HOMER2: variants seen among roughly 807,000 people sequenced by gnomAD.
HOMER2 encodes homer protein homolog 2.
In HOMER2, 27 loss-of-function variants were observed where a neutral mutation model predicts 47.0. That is an observed-to-expected ratio of 0.57 (90% CI 0.42 to 0.79). HOMER2 has a LOEUF of 0.79. HOMER2 is among the 30% of genes least tolerant of loss of function. The probability of loss-of-function intolerance (pLI) is 0.00; values close to 1 mark genes in which losing one functional copy is unlikely to be tolerated. For synonymous variants in HOMER2, 161 were observed against 163.8 expected, an observed-to-expected ratio of 0.98 and a Z score of 0.13; for missense variants, 443 against 435.0, an observed-to-expected ratio of 1.02 and a Z score of -0.16.
At chr15:82,985,848 TCTTCACCG>T (rs2030577600) in exon 1 of HOMER2, 1 of 153,344 alleles carries the variant, frequency 6.5e-6, no homozygotes, top group Admixed American at 6.5e-5. Flanking sequence ...TCGTGTCTAC[TCTTCACCG>T]CCTGCTCTCA....
chr15:82,938,814 C>G (rs1008766535), intron 1 of HOMER2, among the ~76,000 whole-genome samples: 1 of 152,190 alleles, frequency 6.6e-6, no homozygotes, highest in Non-Finnish European at 1.5e-5. Flanking sequence ...CTCAGTCTCC[C>G]GCCTCCTCTA....
chr15:82,856,032 T>C (rs1180117280), intron 5 of HOMER2, among the ~76,000 whole-genome samples: 2 of 152,180 alleles, frequency 1.3e-5, no homozygotes, highest in African/African-American at 2.4e-5. Flanking sequence ...AATACAATGG[T>C]GTGTCTGAAT....
At chr15:82,935,219 G>A (rs2054116634) in intron 1 of HOMER2, among the ~76,000 whole-genome samples, 1 of 152,050 alleles carries the variant, frequency 6.6e-6, no homozygotes, top group African/African-American at 2.4e-5. Flanking sequence ...TCAAAATGTG[G>A]TCCACATAAC....
chr15:82,841,481 C>G (rs955249357), exon 2 of HOMER2: 20 of 152,064 alleles, frequency 1.3e-4, no homozygotes, highest in Non-Finnish European at 2.6e-4. Context: ...TTATTTTACA[C>G]TAAGAGTCAA....
At chr15:82,900,433 C>A (rs182387636) in intron 1 of HOMER2, among the ~76,000 whole-genome samples, 160 of 152,166 alleles carry the variant, frequency 1.1e-3, no homozygotes, top group African/African-American at 3.5e-3. Flanking sequence ...ATATATAAAT[C>A]TAACATAATA....
chr15:82,947,938 T>A (rs2054418219), intron 1 of HOMER2, among the ~76,000 whole-genome samples: 1 of 152,200 alleles, frequency 6.6e-6, no homozygotes, highest in African/African-American at 2.4e-5. Context: ...AACACCTGCA[T>A]GCTTACTGGC....
At chr15:82,878,755 G>A (rs1442362199) in intron 2 of HOMER2, among the ~76,000 whole-genome samples, 1 of 152,146 alleles carries the variant, frequency 6.6e-6, no homozygotes, top group Admixed American at 6.5e-5. Context: ...AGCCTCCCAA[G>A]TAGCTGGGAT....
intron 1 of HOMER2, among the ~76,000 whole-genome samples, chr15:82,897,065 C>CTTTTTTTTTTTTT (rs68038013): frequency 9.8e-6 from 1 of 101,824 alleles, no homozygotes; most frequent in Non-Finnish European, 1.8e-5. Context: ...GATGTCATTT[C>CTTTTTTTTTTTTT]TTTTTTTTTT....
intron 1 of HOMER2, among the ~76,000 whole-genome samples, chr15:82,920,864 T>C (rs967931978): frequency 2.6e-5 from 4 of 151,522 alleles, no homozygotes; most frequent in Non-Finnish European, 5.9e-5. Flanking sequence ...TTTTTTTTTT[T>C]AAGACACAAA....
intron 1 of HOMER2, among the ~76,000 whole-genome samples, chr15:82,981,516 A>C (rs1270974987): frequency 6.6e-6 from 1 of 152,244 alleles, no homozygotes. Context: ...CTGGGTATGC[A>C]CCCAAAAGAA....
intron 1 of HOMER2, among the ~76,000 whole-genome samples, chr15:82,977,720 A>C (rs1421306767): frequency 1.3e-5 from 2 of 152,204 alleles, no homozygotes; most frequent in African/African-American, 4.8e-5. Flanking sequence ...AGATTCAATA[A>C]GGTAATGTGA....
At chr15:82,935,386 C>G (rs2054119617) in intron 1 of HOMER2, among the ~76,000 whole-genome samples, 2 of 152,150 alleles carry the variant, frequency 1.3e-5, no homozygotes. Flanking sequence ...CCTCTATCTT[C>G]TCTGCTGGCT....
In HOMER2 at chr15:82,879,329, C is replaced by A. The variant is rs531098292; in HGVS notation, c.163-3925G>T. Reference sequence around the variant, plus strand: ...TGGACAACATGGCAAAACCCCATCTCGACTAAAAATACAAAAATTAGCAGG... The same window carrying A: ...TGGACAACATGGCAAAACCCCATCTAGACTAAAAATACAAAAATTAGCAGG... On this transcript the variant is annotated intron_variant, in intron 2 of 8. Transcript: ENST00000450735. Among the ~76,000 whole-genome samples the A allele has an allele frequency of 2.0e-5, 3 of 152,250 alleles. No individual in the cohort carries two copies. The South Asian group carries it at 6.2e-4, about 32-fold the overall frequency.
At chr15:82,870,344 G>T (rs56297733) in intron 3 of HOMER2, among the ~76,000 whole-genome samples, 2 of 152,186 alleles carry the variant, frequency 1.3e-5, no homozygotes, top group African/African-American at 2.4e-5. Flanking sequence ...TGGGGCCCCA[G>T]AAGTCTGCCA....
At chr15:82,904,215 C>G (rs557313285) in intron 1 of HOMER2, among the ~76,000 whole-genome samples, 1 of 152,218 alleles carries the variant, frequency 6.6e-6, no homozygotes, top group South Asian at 2.1e-4. Flanking sequence ...GGGCAAACCA[C>G]TGCCCCCAAA....
At chr15:82,966,432 C>A (rs1162946942) in intron 1 of HOMER2, among the ~76,000 whole-genome samples, 1 of 152,152 alleles carries the variant, frequency 6.6e-6, no homozygotes, top group East Asian at 1.9e-4. Context: ...TTCACAATTT[C>A]TTTAAGACAG....
chr15:82,936,123 C>G (rs1393351831), intron 1 of HOMER2, among the ~76,000 whole-genome samples: 1 of 152,222 alleles, frequency 6.6e-6, no homozygotes, highest in Non-Finnish European at 1.5e-5. Flanking sequence ...GTCTCTCAAA[C>G]ATTCCAGACA....
rs185671075 is a variant in HOMER2 at position 82,930,991 on chromosome 15, C to T, written c.5+21540G>A. Among the ~76,000 whole-genome samples, 21 of 152,214 alleles carry T rather than the reference C, an allele frequency of 1.4e-4. 1 individual carries two copies. In the East Asian group the frequency reaches 3.7e-3, roughly 27 times the overall value. On this transcript the variant is annotated intron_variant, in intron 1 of 8. Coordinates refer to ENST00000450735, the MANE Select transcript of HOMER2 (RefSeq NM_004839.4). ...GCAGTGTGCCCTGTGCACCTCCTGC[C>T]CTGTGCACACCCCGCCTATGAGAGG...
intron 6 of HOMER2, 28 bp downstream of exon 6, chr15:82,854,615 TC>T: frequency 1.9e-6 from 3 of 1,596,102 alleles, no homozygotes; most frequent in Non-Finnish European, 1.7e-6. Context: ...CCAGCTGGCC[TC>T]GGGGCTCACT....
Sources: gnomAD v4.1 joint callset for allele counts (sites outside exome capture counted in the v4.1 genomes callset) on GRCh38, gnomAD v4.1.1 for gene constraint, MANE v1.5 for transcripts, NCBI Gene and HGNC (gene_info 2026-07-23, HGNC 2026-07-21) for gene names.